FAM184B: variants seen among roughly 807,000 people sequenced by gnomAD.
FAM184B encodes the protein protein FAM184B.
A neutral mutation model predicts 135.9 loss-of-function variants in FAM184B; 111 were observed. The ratio of observed to expected loss-of-function variants is 0.82; its 90% CI spans 0.70 to 0.96. The LOEUF is 0.96. FAM184B is among the 40% of genes least tolerant of loss of function. The pLI, the probability that FAM184B is intolerant of heterozygous loss-of-function variation, is 0.00. For synonymous variants in FAM184B, 552 were observed against 524.8 expected, an observed-to-expected ratio of 1.05 and a Z score of -0.71; for missense variants, 1,375 against 1,323.9, an observed-to-expected ratio of 1.04 and a Z score of -0.60.
At chr4:17,690,885 G>T (rs1716717274) in intron 6 of FAM184B, among the ~76,000 whole-genome samples, 1 of 152,174 alleles carries the variant, frequency 6.6e-6, no homozygotes, top group Non-Finnish European at 1.5e-5. Flanking sequence ...ATTGTGACTA[G>T]GGGTGAGGAT....
chr4:17,748,663 C>T (rs550118775), intron 1 of FAM184B, among the ~76,000 whole-genome samples: 2 of 151,806 alleles, frequency 1.3e-5, no homozygotes, highest in South Asian at 2.1e-4. Context: ...TTCACAGATT[C>T]GTACCACCAC....
intron 10 of FAM184B, among the ~76,000 whole-genome samples, chr4:17,657,503 G>A (rs1387295447): frequency 6.6e-6 from 1 of 152,116 alleles, no homozygotes; most frequent in Non-Finnish European, 1.5e-5. Context: ...GGCAGGAAGG[G>A]AACACCCTCT....
At chr4:17,778,280 G>A (rs2109000598) in intron 1 of FAM184B, among the ~76,000 whole-genome samples, 1 of 152,294 alleles carries the variant, frequency 6.6e-6, no homozygotes, top group African/African-American at 2.4e-5. Flanking sequence ...AGAAGACAGT[G>A]GAGTACTATC....
At chr4:17,687,843 G>T (rs1716622474) in intron 7 of FAM184B, among the ~76,000 whole-genome samples, 1 of 152,174 alleles carries the variant, frequency 6.6e-6, no homozygotes, top group South Asian at 2.1e-4. Flanking sequence ...CAGACCTCTG[G>T]CCTCCAGAAC....
chr4:17,735,660 C>T (rs997388138), intron 1 of FAM184B, among the ~76,000 whole-genome samples: 3 of 152,166 alleles, frequency 2.0e-5, no homozygotes, highest in African/African-American at 7.2e-5. Context: ...AAACCCTTCT[C>T]TATCCAACCG....
intron 11 of FAM184B, among the ~76,000 whole-genome samples, chr4:17,649,119 A>G (rs76630217): frequency 2.6e-5 from 4 of 152,220 alleles, no homozygotes; most frequent in Admixed American, 2.6e-4. Context: ...TTTAGTACAG[A>G]GCAAGTGCTC....
rs184990813 is a variant in FAM184B, at chr4:17,659,969, A to G, written c.1813T>C (p.Leu605=). 2.3e-5 allele frequency: 35 copies of G among 1,550,914 alleles called. No individual in the cohort carries two copies. Among genetic ancestry groups the G allele is most frequent in the Admixed American group, 5.9e-5 (3 of 51,000 alleles). ...EEDWQSQKAK[L]QAQVSQMQQA... ...CAGGGTTGTCCTACCTGGGCTTGCAATTTGGCCTTCTGGCTTTGCCAGTCC... is the reference window on the plus strand; with the variant it reads ...CAGGGTTGTCCTACCTGGGCTTGCAGTTTGGCCTTCTGGCTTTGCCAGTCC... Residue 605 remains leucine, a synonymous_variant, in exon 9 of 18, where the codon TTG becomes CTG. Coordinates refer to ENST00000265018, the MANE Select transcript of FAM184B (RefSeq NM_015688.2).
intron 1 of FAM184B, among the ~76,000 whole-genome samples, chr4:17,770,728 A>G (rs1188374475): frequency 6.6e-6 from 1 of 152,144 alleles, no homozygotes; most frequent in African/African-American, 2.4e-5. Flanking sequence ...GGCCTCCCAA[A>G]GTGCTGGGAT....
At chr4:17,697,589 CA>C (rs1716895183) in intron 5 of FAM184B, among the ~76,000 whole-genome samples, 1 of 152,152 alleles carries the variant, frequency 6.6e-6, no homozygotes, top group African/African-American at 2.4e-5. Flanking sequence ...ATCCCTTCAA[CA>C]AAAATTCATT....
intron 6 of FAM184B, among the ~76,000 whole-genome samples, chr4:17,691,143 G>A (rs71603377): frequency 4.3e-4 from 66 of 152,240 alleles, no homozygotes; most frequent in South Asian, 1.5e-3. Context: ...TTAGCTTAGC[G>A]GTTAAGGGTG....
intron 7 of FAM184B, among the ~76,000 whole-genome samples, chr4:17,665,187 C>T (rs1379317829): frequency 3.3e-5 from 5 of 152,048 alleles, no homozygotes; most frequent in Non-Finnish European, 7.4e-5. Context: ...CTATTATATC[C>T]GTTTAAGAGT....
Position 17,629,483 on chromosome 4 carries a change from C to T in FAM184B, c.*3049G>A, listed in dbSNP as rs979667594. 2 of 152,172 alleles carry T rather than the reference C, an allele frequency of 1.3e-5. No homozygotes were observed. Among genetic ancestry groups the T allele is most frequent in the Admixed American group, 1.3e-4 (2 of 15,270 alleles). The allele number at this position is 152,172 out of a possible 1,614,324, so 9.4% of individuals were successfully genotyped here. On this transcript the variant is annotated 3_prime_UTR_variant, in exon 18 of 18. Transcript: ENST00000265018. Reference sequence around the variant, plus strand: ...AGGGCTCAGGTATGTGGTGTGCAGCCATTGACTGGGTGAATCCATTTTTAC... The same window carrying T: ...AGGGCTCAGGTATGTGGTGTGCAGCTATTGACTGGGTGAATCCATTTTTAC...
At chr4:17,669,488 C>A (rs762595736) in intron 7 of FAM184B, among the ~76,000 whole-genome samples, 21 of 152,092 alleles carry the variant, frequency 1.4e-4, no homozygotes, top group Non-Finnish European at 2.6e-4. Context: ...TTAATTAGGT[C>A]CAGGTCTCAA....
At chr4:17,715,660 T>C (rs1177065349) in intron 1 of FAM184B, among the ~76,000 whole-genome samples, 2 of 152,262 alleles carry the variant, frequency 1.3e-5, no homozygotes, top group East Asian at 3.9e-4. Flanking sequence ...CCACAAAAAA[T>C]GATAAGCATG....
intron 10 of FAM184B, among the ~76,000 whole-genome samples, chr4:17,657,033 T>G (rs1276546453): frequency 6.6e-6 from 1 of 152,212 alleles, no homozygotes; most frequent in African/African-American, 2.4e-5. Flanking sequence ...TTTAATATAT[T>G]GAAGTATACT....
In FAM184B at chr4:17,727,195, T is replaced by G. The variant is rs73800374; in HGVS notation, c.142-17551A>C. On this transcript the variant is annotated intron_variant, in intron 1 of 17. Coordinates refer to ENST00000265018, the MANE Select transcript of FAM184B (RefSeq NM_015688.2). ...GAGACAGAACAAAAGATTAAGACTCTGTCCCTACTCTCACATAGCACATGA... is the reference window on the plus strand; with the variant it reads ...GAGACAGAACAAAAGATTAAGACTCGGTCCCTACTCTCACATAGCACATGA... Among the ~76,000 whole-genome samples, 1,275 of 152,276 alleles carry G rather than the reference T, an allele frequency of 8.4e-3. 17 individuals carry two copies. The highest frequency in any genetic ancestry group is 0.028 in the African/African-American group (1,172 of 41,552).
chr4:17,664,731 C>A (rs114274949), intron 7 of FAM184B, 72 bp from the exon 8 acceptor site: 1 of 1,273,258 alleles, frequency 7.9e-7, no homozygotes, highest in South Asian at 1.4e-5. Flanking sequence ...ATGATTCAAC[C>A]TGTGGCTTAT....
intron 13 of FAM184B, among the ~76,000 whole-genome samples, chr4:17,641,442 GA>G (rs887433919): frequency 6.5e-5 from 9 of 138,058 alleles, no homozygotes; most frequent in African/African-American, 2.4e-4. Context: ...GATTTGCAGG[GA>G]AACAAACAGG....
At chr4:17,766,008 C>G (rs1224618761) in intron 1 of FAM184B, among the ~76,000 whole-genome samples, 1 of 152,160 alleles carries the variant, frequency 6.6e-6, no homozygotes. Context: ...TAACTGGCTT[C>G]AACAGTGAAG....
Sources: allele counts gnomAD v4.1 joint callset (sites outside exome capture counted in the v4.1 genomes callset), GRCh38; gene constraint gnomAD v4.1.1; transcripts MANE v1.5; gene names NCBI Gene and HGNC (gene_info 2026-07-23, HGNC 2026-07-21).